DPP10: variants seen among roughly 807,000 people sequenced by gnomAD.
The protein encoded by DPP10 is dipeptidyl peptidase like 10, also known as inactive dipeptidyl peptidase 10.
In DPP10, 33 loss-of-function variants were observed where a neutral mutation model predicts 120.9. That is an observed-to-expected ratio of 0.27 (90% CI 0.21 to 0.37). DPP10 has a LOEUF of 0.37. DPP10 is among the 10% of genes least tolerant of loss of function. The probability of loss-of-function intolerance (pLI) is 1.00; values close to 1 mark genes in which losing one functional copy is unlikely to be tolerated. For synonymous variants in DPP10, 337 were observed against 326.1 expected (o/e 1.03, Z -0.36); for missense variants, 816 against 942.8 (o/e 0.87, Z 1.76).
intron 3 of DPP10, among the ~76,000 whole-genome samples, chr2:115,465,878 A>G (rs6710379): frequency 0.14 from 21,169 of 152,128 alleles, 3,235 homozygotes; most frequent in African/African-American, 0.37. Flanking sequence ...TTTGTCATTT[A>G]GTTGATAAAT....
chr2:115,696,378 T>A (rs895382266), intron 7 of DPP10, among the ~76,000 whole-genome samples: 1 of 152,114 alleles, frequency 6.6e-6, no homozygotes, highest in African/African-American at 2.4e-5. Flanking sequence ...GCTTGTCACA[T>A]ACAACATATC....
At chr2:115,471,074 G>A (rs965985136) in intron 3 of DPP10, among the ~76,000 whole-genome samples, 2 of 151,976 alleles carry the variant, frequency 1.3e-5, no homozygotes, top group South Asian at 4.2e-4. Flanking sequence ...TAGAATCTGA[G>A]CATTAATATT....
chr2:114,960,615 C>A (rs1485954012), intron 1 of DPP10, among the ~76,000 whole-genome samples: 1 of 152,064 alleles, frequency 6.6e-6, no homozygotes, highest in Non-Finnish European at 1.5e-5. Flanking sequence ...TATCTAACCT[C>A]AAGACCACTG....
chr2:114,832,920 C>CAA (rs200731820), intron 1 of DPP10, among the ~76,000 whole-genome samples: 1 of 151,894 alleles, frequency 6.6e-6, no homozygotes, highest in African/African-American at 2.4e-5. Context: ...ATTGCCATTT[C>CAA]AAAAAATGTA....
intron 1 of DPP10, among the ~76,000 whole-genome samples, chr2:114,802,221 A>G (rs1213023229): frequency 6.6e-6 from 1 of 152,226 alleles, no homozygotes; most frequent in Non-Finnish European, 1.5e-5. Context: ...AGATTCAGGA[A>G]GGGTGTTTCA....
At chr2:115,363,791 A>G (rs1443857636) in intron 3 of DPP10, among the ~76,000 whole-genome samples, 1 of 152,190 alleles carries the variant, frequency 6.6e-6, no homozygotes, top group African/African-American at 2.4e-5. Context: ...ATTTCTGGGC[A>G]TTAGTTTTGT....
intron 5 of DPP10, among the ~76,000 whole-genome samples, chr2:115,631,690 G>T (rs1339174645): frequency 6.6e-6 from 1 of 152,102 alleles, no homozygotes; most frequent in Non-Finnish European, 1.5e-5. Flanking sequence ...TTCAGGAGCA[G>T]GTTGTTCAAT....
chr2:115,842,345 A>G lies in DPP10; in HGVS notation c.2391A>G (p.Ter797=). Residue 797 remains the stop codon, a stop_retained_variant, in exon 26 of 26, where the codon TAA becomes TAG. Coordinates refer to ENST00000410059, the MANE Select transcript of DPP10 (RefSeq NM_020868.6). The part of the protein sequence containing the change: ...VLPQEPEEDE[*] The stretch of plus-strand genomic sequence containing the variant: ...CACAGGAACCAGAAGAAGATGAATA[A>G]TGGACTGTATTTATACAGAACTGAA... The G allele has an allele frequency of 1.2e-6, 2 of 1,613,654 alleles. No individual in the cohort carries two copies. Among genetic ancestry groups the G allele is most frequent in the African/African-American group, 1.3e-5 (1 of 75,038 alleles).
At chr2:115,314,469 A>T (rs2061703171) in intron 2 of DPP10, among the ~76,000 whole-genome samples, 1 of 152,170 alleles carries the variant, frequency 6.6e-6, no homozygotes. Flanking sequence ...TTCCTTTAGT[A>T]CACTTTTTAG....
At chr2:115,515,064 G>A (rs1488274421) in intron 4 of DPP10, among the ~76,000 whole-genome samples, 4 of 151,738 alleles carry the variant, frequency 2.6e-5, no homozygotes, top group Non-Finnish European at 4.4e-5. Flanking sequence ...ATCTTGAAGA[G>A]CTTTTTATAT....
intron 1 of DPP10, among the ~76,000 whole-genome samples, chr2:114,735,904 C>T (rs1336429799): frequency 2.0e-5 from 3 of 152,130 alleles, no homozygotes; most frequent in South Asian, 4.1e-4. Context: ...TACGCAGAAA[C>T]TTCTCTACAT....
At chr2:115,687,892 G>A (rs1323400912) in intron 5 of DPP10, among the ~76,000 whole-genome samples, 1 of 151,738 alleles carries the variant, frequency 6.6e-6, no homozygotes, top group East Asian at 1.9e-4. Flanking sequence ...CTAAAAGCCA[G>A]GTACAGTGTG....
chr2:115,239,952 A>T (rs555767456), intron 1 of DPP10, among the ~76,000 whole-genome samples: 1 of 152,310 alleles, frequency 6.6e-6, no homozygotes, highest in East Asian at 1.9e-4. Flanking sequence ...TTATGGTTGC[A>T]TAGTATTCCA....
At chr2:114,589,956 A>G (rs1482795310) in intron 1 of DPP10, among the ~76,000 whole-genome samples, 1 of 152,094 alleles carries the variant, frequency 6.6e-6, no homozygotes. Context: ...GATGCTGGAG[A>G]TCTAATGATG....
At chr2:114,861,667 T>C (rs1689816871) in intron 1 of DPP10, among the ~76,000 whole-genome samples, 1 of 152,190 alleles carries the variant, frequency 6.6e-6, no homozygotes. Flanking sequence ...AGCTGATTTA[T>C]TTTTCTAGCT....
At chr2:115,013,952 A>G (rs951968111) in intron 1 of DPP10, among the ~76,000 whole-genome samples, 1 of 152,148 alleles carries the variant, frequency 6.6e-6, no homozygotes, top group Non-Finnish European at 1.5e-5. Flanking sequence ...GAAAATTAAC[A>G]AGCATATTCA....
rs2086809278 is a variant in DPP10, at chr2:115,641,850, T to C, written c.442-47837T>C. 2.0e-5 allele frequency among the ~76,000 whole-genome samples: 3 copies of C among 152,192 alleles called. No homozygotes were observed. The South Asian group carries it at 6.2e-4, about 31-fold the overall frequency. ...CAAAACCTTTTCTTATGTCATTTCA[T>C]ATACGATAGTGTTACCAAGTATCAA... On this transcript the variant is annotated intron_variant, in intron 5 of 25. Transcript: ENST00000410059.
At chr2:115,459,151 G>A (rs72842220) in intron 3 of DPP10, among the ~76,000 whole-genome samples, 8,363 of 151,652 alleles carry the variant, frequency 0.055, 329 homozygotes, top group Non-Finnish European at 0.081. Context: ...TTTTCATCTT[G>A]TGAGTTTGAT....
chr2:114,994,883 C>T (rs1224744889), intron 1 of DPP10, among the ~76,000 whole-genome samples: 1 of 152,108 alleles, frequency 6.6e-6, no homozygotes, highest in Admixed American at 6.6e-5. Context: ...TCTAATATTG[C>T]ACTTGCCATA....
Sources: allele counts gnomAD v4.1 joint callset (sites outside exome capture counted in the v4.1 genomes callset), GRCh38; gene constraint gnomAD v4.1.1; transcripts MANE v1.5; gene names NCBI Gene and HGNC (gene_info 2026-07-23, HGNC 2026-07-21).